The following CUL5 variants were observed in gnomAD, a reference collection of about 807,000 sequenced individuals.
CUL5 encodes cullin-5.
A neutral mutation model predicts 108.8 loss-of-function variants in CUL5; 26 were observed. That is an observed-to-expected ratio of 0.24 (90% CI 0.18 to 0.33). The LOEUF is 0.33. Among genes scored for constraint, CUL5 ranks in the 10% least tolerant of loss-of-function variants. The probability of loss-of-function intolerance (pLI) is 1.00; values close to 1 mark genes in which losing one functional copy is unlikely to be tolerated. For missense variants in CUL5, 524 were observed against 909.2 expected (o/e 0.58, Z 5.45); for synonymous variants, 334 against 298.0 (o/e 1.12, Z -1.25).
At chr11:108,103,350 G>A (rs1864716929) in intron 18 of CUL5, among the ~76,000 whole-genome samples, 1 of 151,902 alleles carries the variant, frequency 6.6e-6, no homozygotes, top group African/African-American at 2.4e-5. Flanking sequence ...ATTTGAGTCT[G>A]GGGGTTCAAG....
chr11:108,063,925 A>G (rs971793553), intron 7 of CUL5, among the ~76,000 whole-genome samples: 10 of 152,164 alleles, frequency 6.6e-5, no homozygotes, highest in Non-Finnish European at 1.3e-4. Context: ...GATAAAAGCT[A>G]CTTTAACTGG....
At chr11:108,062,480 T>A (rs1171663069) in intron 7 of CUL5, among the ~76,000 whole-genome samples, 1 of 150,698 alleles carries the variant, frequency 6.6e-6, no homozygotes, top group Admixed American at 6.6e-5. Flanking sequence ...AAATATTTTT[T>A]GTGTGCATTT....
At chr11:108,018,037 A>G (rs1406630545) in intron 1 of CUL5, among the ~76,000 whole-genome samples, 1 of 152,170 alleles carries the variant, frequency 6.6e-6, no homozygotes, top group Non-Finnish European at 1.5e-5. Flanking sequence ...TTCCAAATTA[A>G]AATTTCAGTC....
At chr11:108,072,615 G>T (rs1863853804) in intron 9 of CUL5, among the ~76,000 whole-genome samples, 153 bp downstream of exon 9, 1 of 152,132 alleles carries the variant, frequency 6.6e-6, no homozygotes, top group Non-Finnish European at 1.5e-5. Flanking sequence ...TCAATAGGAA[G>T]AATAAGTTTT....
At chr11:108,018,988 G>A (rs551425492) in intron 1 of CUL5, among the ~76,000 whole-genome samples, 7 of 152,114 alleles carry the variant, frequency 4.6e-5, no homozygotes, top group East Asian at 3.9e-4. Flanking sequence ...AAAAAATTGC[G>A]TCTGTATTGA....
chr11:108,047,020 A>G (rs982097732), intron 3 of CUL5, among the ~76,000 whole-genome samples: 1 of 152,080 alleles, frequency 6.6e-6, no homozygotes, highest in African/African-American at 2.4e-5. Flanking sequence ...TTTCCTTTCT[A>G]TAACATGAGG....
intron 1 of CUL5, among the ~76,000 whole-genome samples, chr11:108,025,962 G>A (rs192875133): frequency 1.3e-5 from 2 of 152,294 alleles, no homozygotes; most frequent in East Asian, 3.9e-4. Context: ...TTCTCAGGAA[G>A]CGCTGTCCTG....
At chr11:108,022,067 A>G (rs1002553915) in intron 1 of CUL5, among the ~76,000 whole-genome samples, 1 of 152,158 alleles carries the variant, frequency 6.6e-6, no homozygotes, top group South Asian at 2.1e-4. Context: ...CTGGTCTTGA[A>G]ATCCTAGCCT....
At position 108,105,035 on chromosome 11, in the gene CUL5, ACTG is replaced by A. The variant is rs1001400446; in HGVS notation, c.*654_*656del. The A allele has an allele frequency of 2.6e-5, 4 of 152,160 alleles. No homozygotes were observed. In the South Asian group the frequency reaches 6.2e-4, roughly 24 times the overall value. 9.4% of individuals were successfully genotyped at this position (152,160 alleles called of 1,614,324 possible). ...AATGTTGGTTTTCTTTAAGCAGGAG[ACTG>A]CTATTTTAGTTGTTGTTAAATGATG... is the stretch of plus-strand genomic sequence containing the variant. On this transcript the variant is annotated 3_prime_UTR_variant, in exon 19 of 19. Transcript: ENST00000393094.
At chr11:108,068,545 T>G (rs1369601508) in intron 7 of CUL5, among the ~76,000 whole-genome samples, 1 of 152,110 alleles carries the variant, frequency 6.6e-6, no homozygotes, top group Non-Finnish European at 1.5e-5. Flanking sequence ...AAATTCAGCT[T>G]TAGTAGTTAC....
At chr11:108,088,974 T>A (rs1014647589) in intron 12 of CUL5, among the ~76,000 whole-genome samples, 1 of 152,180 alleles carries the variant, frequency 6.6e-6, no homozygotes, top group Non-Finnish European at 1.5e-5. Context: ...TTGGGAGTTT[T>A]TCACTCCTTC....
At chr11:108,078,612 G>T (rs1863996403) in intron 11 of CUL5, among the ~76,000 whole-genome samples, 1 of 151,982 alleles carries the variant, frequency 6.6e-6, no homozygotes, top group African/African-American at 2.4e-5. Flanking sequence ...TTAAAAAATT[G>T]TTCTATAATT....
chr11:108,094,837 G>C lies in CUL5; in HGVS notation c.1593G>C (p.Leu531=), dbSNP rs1345684722. 1.2e-6 allele frequency: 2 copies of C among 1,601,416 alleles called. No individual in the cohort carries two copies. The highest frequency in any genetic ancestry group is 4.5e-5 in the East Asian group (2 of 44,608). Residue 531 remains leucine (L), a synonymous_variant, in exon 15 of 19, where the codon CTG becomes CTC. Coordinates refer to ENST00000393094, the MANE Select transcript of CUL5 (RefSeq NM_003478.6). ...CTGATTCAGTTAATATAAAAATTCT[G>C]AATGCTGGCGCCTGGTCAAGAAGTT... ...LPADSVNIKI[L]NAGAWSRSSE... is the part of the protein sequence containing the mutation.
At chr11:108,075,436 C>T (rs1863919379) in intron 10 of CUL5, among the ~76,000 whole-genome samples, 1 of 152,092 alleles carries the variant, frequency 6.6e-6, no homozygotes, top group Non-Finnish European at 1.5e-5. Context: ...GGTGCATGTG[C>T]AGATACTAAT....
intron 16 of CUL5, among the ~76,000 whole-genome samples, chr11:108,097,274 C>T (rs1431169172): frequency 6.6e-6 from 1 of 152,182 alleles, no homozygotes; most frequent in South Asian, 2.1e-4. Flanking sequence ...CCTCAGCTTC[C>T]CAAAGTGCTG....
At chr11:108,047,224 G>A (rs551223943) in intron 3 of CUL5, among the ~76,000 whole-genome samples, 123 of 152,260 alleles carry the variant, frequency 8.1e-4, no homozygotes, top group African/African-American at 1.7e-3. Flanking sequence ...GGCTGAGGCA[G>A]GAGAATTGTG....
intron 1 of CUL5, among the ~76,000 whole-genome samples, 154 bp downstream of exon 1, chr11:108,009,526 C>T (rs1862006191): frequency 1.3e-5 from 2 of 152,056 alleles, no homozygotes; most frequent in Admixed American, 6.6e-5. Context: ...AGTACCGGAA[C>T]GCGGGTCTGT....
intron 1 of CUL5, among the ~76,000 whole-genome samples, chr11:108,023,232 A>G (rs774729696): frequency 2.8e-4 from 43 of 152,214 alleles, no homozygotes; most frequent in Non-Finnish European, 5.6e-4. Flanking sequence ...CTGGGCAACA[A>G]ACAAAACTCT....
intron 7 of CUL5, among the ~76,000 whole-genome samples, chr11:108,059,342 C>G (rs1387665935): frequency 6.6e-6 from 1 of 152,058 alleles, no homozygotes; most frequent in Admixed American, 6.6e-5. Context: ...AGTCCCTATC[C>G]TCAGGATGAC....
Sources: gnomAD v4.1 joint callset for allele counts (sites outside exome capture counted in the v4.1 genomes callset) on GRCh38, gnomAD v4.1.1 for gene constraint, MANE v1.5 for transcripts, NCBI Gene and HGNC (gene_info 2026-07-23, HGNC 2026-07-21) for gene names.